HS2ST1: variants seen among roughly 807,000 people sequenced by gnomAD.
The protein encoded by HS2ST1 is 2-O-sulfotransferase.
In HS2ST1, 18 loss-of-function variants were observed where a neutral mutation model predicts 42.9. That is an observed-to-expected ratio of 0.42 (90% CI 0.29 to 0.62). The LOEUF is 0.62. Among genes scored for constraint, HS2ST1 ranks in the 20% least tolerant of loss-of-function variants. The pLI is 0.21. For synonymous variants in HS2ST1, 146 were observed against 152.9 expected, an observed-to-expected ratio of 0.95 and a Z score of 0.33; for missense variants, 334 against 433.8, an observed-to-expected ratio of 0.77 and a Z score of 2.04.
chr1:87,026,193 T>C lies in HS2ST1; in HGVS notation c.125-46741T>C, dbSNP rs12039376. Among the ~76,000 whole-genome samples the C allele has an allele frequency of 5.9e-5, 9 of 152,354 alleles. No homozygotes were observed. In the East Asian group the frequency reaches 1.3e-3, roughly 23 times the overall value. ...TATGTTCATTCGATTTTGGTAGTTA[T>C]ACAGTTCCCAGTGAAGTCACCAATG... On this transcript the variant is annotated intron_variant, in intron 1 of 6. Coordinates refer to ENST00000370550, the MANE Select transcript of HS2ST1 (RefSeq NM_012262.4).
At chr1:87,045,017 C>G in intron 1 of HS2ST1, 1 of 1,484,700 alleles carries the variant, frequency 6.7e-7, no homozygotes, top group Middle Eastern at 1.7e-4. Context: ...CGTCTGATTT[C>G]CTCTTGCGGC....
At chr1:87,045,109 G>A (rs1251219412) in intron 1 of HS2ST1, 2 of 911,542 alleles carry the variant, frequency 2.2e-6, no homozygotes, top group African/African-American at 1.6e-5. Flanking sequence ...TCTTGCTCTT[G>A]AGCTGTGGAG....
At chr1:87,069,935 G>T (rs569906950) in intron 1 of HS2ST1, among the ~76,000 whole-genome samples, 62 of 152,316 alleles carry the variant, frequency 4.1e-4, no homozygotes, top group South Asian at 1.0e-3. Context: ...TTTGCAGTTT[G>T]TCTCATGTTT....
At chr1:87,041,900 A>G (rs1411707329) in intron 1 of HS2ST1, among the ~76,000 whole-genome samples, 4 of 152,230 alleles carry the variant, frequency 2.6e-5, no homozygotes, top group Non-Finnish European at 4.4e-5. Context: ...TTCATTGTAC[A>G]TATGGGAGTG....
At chr1:86,953,862 A>G (rs1357265125) in intron 1 of HS2ST1, among the ~76,000 whole-genome samples, 1 of 151,946 alleles carries the variant, frequency 6.6e-6, no homozygotes, top group African/African-American at 2.4e-5. Context: ...CCTAATTTCA[A>G]TATTGTTGTA....
At chr1:87,096,830 A>C (rs909159156) in intron 4 of HS2ST1, among the ~76,000 whole-genome samples, 1 of 152,240 alleles carries the variant, frequency 6.6e-6, no homozygotes, top group Non-Finnish European at 1.5e-5. Flanking sequence ...TTTTGAGAAA[A>C]TATCACCAAA....
rs1195817347 is a variant in HS2ST1, at chr1:87,041,235, AAAAAAC to A, written c.125-31693_125-31688del. The stretch of plus-strand genomic sequence containing the variant: ...AGACCTTGTCTCTACTAAAAAAAAA[AAAAAAC>A]AAAAAAAAAAAAAGTGTGCACCTGT... On this transcript the variant is annotated intron_variant, in intron 1 of 6. Coordinates refer to ENST00000370550, the MANE Select transcript of HS2ST1 (RefSeq NM_012262.4). Among the ~76,000 whole-genome samples the A allele has an allele frequency of 1.1e-4, 10 of 94,496 alleles. No individual in the cohort carries two copies. In the Admixed American group the frequency reaches 1.1e-3, roughly 10 times the overall value. The allele number at this position is 94,496 out of a possible 152,430, so 62.0% of individuals were successfully genotyped here. A position where few individuals can be genotyped will look rare whatever the true frequency, so the allele number is the denominator to read the frequency against.
intron 1 of HS2ST1, among the ~76,000 whole-genome samples, chr1:87,020,458 C>T (rs984354052): frequency 6.6e-6 from 1 of 152,208 alleles, no homozygotes; most frequent in African/African-American, 2.4e-5. Flanking sequence ...TGCTCTACTG[C>T]ACTTTTATCT....
intron 1 of HS2ST1, among the ~76,000 whole-genome samples, chr1:86,935,417 CTTT>C (rs1338525376): frequency 2.3e-4 from 19 of 81,920 alleles, no homozygotes; most frequent in Non-Finnish European, 4.3e-4. Flanking sequence ...CTCAGATCTT[CTTT>C]TATGTTTTGG....
intron 1 of HS2ST1, among the ~76,000 whole-genome samples, chr1:87,009,797 G>A (rs1649542447): frequency 6.6e-6 from 1 of 152,058 alleles, no homozygotes; most frequent in Non-Finnish European, 1.5e-5. Context: ...CACTTTGGGA[G>A]GCCGAGGCGG....
At chr1:86,973,018 G>T (rs6667301) in intron 1 of HS2ST1, among the ~76,000 whole-genome samples, 1 of 151,942 alleles carries the variant, frequency 6.6e-6, no homozygotes, top group East Asian at 1.9e-4. Flanking sequence ...TTTGTCATGG[G>T]GTTCACGATG....
At chr1:86,993,264 G>T (rs1038908843) in intron 1 of HS2ST1, 46 of 1,069,156 alleles carry the variant, frequency 4.3e-5, no homozygotes, top group Non-Finnish European at 5.9e-5. Flanking sequence ...CTGATAATAG[G>T]ATTTGGCAGG....
intron 1 of HS2ST1, among the ~76,000 whole-genome samples, chr1:87,023,996 G>A (rs1245170361): frequency 6.6e-6 from 1 of 152,122 alleles, no homozygotes. Context: ...TTTAAGTTCT[G>A]TGTTTCTCCA....
chr1:86,993,131 C>G, intron 1 of HS2ST1: 1 of 1,601,042 alleles, frequency 6.2e-7, no homozygotes. Context: ...ATGCCAGGTA[C>G]TGTATTTTGG....
intron 1 of HS2ST1, among the ~76,000 whole-genome samples, chr1:86,967,008 C>T (rs925819472): frequency 6.6e-6 from 1 of 151,914 alleles, no homozygotes; most frequent in African/African-American, 2.4e-5. Flanking sequence ...TCTCCTGCAT[C>T]AGCCTCCTGA....
At chr1:87,040,275 C>G (rs957358723) in intron 1 of HS2ST1, among the ~76,000 whole-genome samples, 10 of 152,142 alleles carry the variant, frequency 6.6e-5, no homozygotes, top group South Asian at 2.1e-4. Flanking sequence ...CTGTCTCCCC[C>G]TCCCCGCTCC....
rs558372211 is a variant in HS2ST1, at chr1:87,020,740, T to A, written c.125-52194T>A. On this transcript the variant is annotated intron_variant, in intron 1 of 6. Transcript: ENST00000370550. The stretch of plus-strand genomic sequence containing the variant: ...TCACTGTGTCTTCACATAGTCTCTG[T>A]GCATGTCTGTGTTTTAATCTCCTCT... 2.0e-5 allele frequency among the ~76,000 whole-genome samples: 3 copies of A among 152,336 alleles called. No homozygotes were observed. The East Asian group carries it at 5.8e-4, about 29-fold the overall frequency.
chr1:86,941,418 A>G (rs1660760436), intron 1 of HS2ST1, among the ~76,000 whole-genome samples: 1 of 152,090 alleles, frequency 6.6e-6, no homozygotes, highest in African/African-American at 2.4e-5. Context: ...TTACTTAACC[A>G]TAAATCTGTG....
At chr1:87,093,112 T>C (rs1407697551) in intron 4 of HS2ST1, among the ~76,000 whole-genome samples, 1 of 152,012 alleles carries the variant, frequency 6.6e-6, no homozygotes, top group Non-Finnish European at 1.5e-5. Flanking sequence ...AGGCTCAAAT[T>C]TGGGTTGTCT....
Sources: gnomAD v4.1 joint callset for allele counts (sites outside exome capture counted in the v4.1 genomes callset) on GRCh38, gnomAD v4.1.1 for gene constraint, MANE v1.5 for transcripts, NCBI Gene and HGNC (gene_info 2026-07-23, HGNC 2026-07-21) for gene names.